LRP1B: variants seen among roughly 807,000 people sequenced by gnomAD.
The protein encoded by LRP1B is low-density lipoprotein receptor-related protein 1B.
LRP1B carries 217 observed loss-of-function variants against 556.6 expected under a neutral mutation model. The ratio of observed to expected loss-of-function variants is 0.39; its 90% CI spans 0.35 to 0.44. The LOEUF (loss-of-function observed/expected upper bound fraction) is 0.44. Ranked by LOEUF, LRP1B falls within the 20% of genes least tolerant of loss-of-function variation. The pLI is 1.00. For missense variants in LRP1B, 5,053 were observed against 5,620.8 expected, an observed-to-expected ratio of 0.90 and a Z score of 3.23; for synonymous variants, 2,047 against 1,865.8, an observed-to-expected ratio of 1.10 and a Z score of -2.50.
Position 141,858,696 on chromosome 2 carries a change from C to T in LRP1B, c.83-48295G>A, listed in dbSNP as rs916529998. On this transcript the variant is annotated intron_variant, in intron 1 of 90. Coordinates refer to ENST00000389484, the MANE Select transcript of LRP1B (RefSeq NM_018557.3). ...TACTAAATACACAATGATTTGCAAA[C>T]ACTTAATGAATTATGCACCAGTAAA... is the stretch of plus-strand genomic sequence containing the variant. Among the ~76,000 whole-genome samples, 9 of 152,134 alleles carry T rather than the reference C, an allele frequency of 5.9e-5. No homozygotes were observed. In the South Asian group the frequency reaches 1.7e-3, roughly 28 times the overall value.
At chr2:140,984,312 TTTTC>T (rs1245691540) in intron 17 of LRP1B, among the ~76,000 whole-genome samples, 2 of 151,892 alleles carry the variant, frequency 1.3e-5, no homozygotes, top group East Asian at 1.9e-4. Context: ...ATTTTTTCTC[TTTTC>T]TTTTTCTTTT....
At chr2:141,409,253 T>C (rs1690759622) in intron 3 of LRP1B, among the ~76,000 whole-genome samples, 1 of 152,208 alleles carries the variant, frequency 6.6e-6, no homozygotes, top group African/African-American at 2.4e-5. Context: ...GGTGACAGTA[T>C]GCACAGCGGA....
chr2:141,822,110 C>CAG (rs1696769109), intron 1 of LRP1B, among the ~76,000 whole-genome samples: 1 of 115,800 alleles, frequency 8.6e-6, no homozygotes, highest in African/African-American at 4.0e-5. Flanking sequence ...CACACACACA[C>CAG]ACACACACAC....
At chr2:141,707,392 G>C (rs907081359) in intron 2 of LRP1B, among the ~76,000 whole-genome samples, 1 of 152,020 alleles carries the variant, frequency 6.6e-6, no homozygotes, top group African/African-American at 2.4e-5. Context: ...TCCTAGGAAG[G>C]ATCTGATACC....
In LRP1B at chr2:140,640,383, C is replaced by CTTTTTTTTTTTTTTTTTTTTTT. The variant is rs70988414; in HGVS notation, c.6800-38766_6800-38745dup. Among the ~76,000 whole-genome samples the CTTTTTTTTTTTTTTTTTTTTTT allele has an allele frequency of 4.1e-5, 2 of 48,464 alleles. 1 individual carries two copies. The highest frequency in any genetic ancestry group is 1.7e-4 in the African/African-American group (2 of 11,710). 31.8% of individuals were successfully genotyped at this position (48,464 alleles called of 152,430 possible). Reference sequence around the variant, plus strand: ...ATCCACTATTCCCTTGTCCTGTTTTCTTTTTTTTTTTTTTTTTTTTTTTTT... The same window carrying CTTTTTTTTTTTTTTTTTTTTTT: ...ATCCACTATTCCCTTGTCCTGTTTTCTTTTTTTTTTTTTTTTTTTTTTTTTTTTTTTTTTTTTTTTTTTTTTT... On this transcript the variant is annotated intron_variant, in intron 41 of 90. Transcript: ENST00000389484.
chr2:141,770,893 T>C (rs1414827882), intron 2 of LRP1B, among the ~76,000 whole-genome samples: 1 of 152,218 alleles, frequency 6.6e-6, no homozygotes, highest in Admixed American at 6.5e-5. Flanking sequence ...ATTGCAAAAA[T>C]AGCCCTCAGC....
intron 1 of LRP1B, among the ~76,000 whole-genome samples, chr2:141,962,159 G>A (rs1701419489): frequency 6.6e-6 from 1 of 151,692 alleles, no homozygotes; most frequent in Non-Finnish European, 1.5e-5. Flanking sequence ...GAAAGGCACA[G>A]ATCATTTGTT....
chr2:141,377,416 C>G (rs1217371003), intron 3 of LRP1B, among the ~76,000 whole-genome samples: 5 of 151,848 alleles, frequency 3.3e-5, no homozygotes, highest in Admixed American at 2.0e-4. Context: ...TGCTTTCTTT[C>G]TTTTCATTCA....
chr2:141,025,796 A>G (rs1698201919), intron 11 of LRP1B, among the ~76,000 whole-genome samples: 1 of 152,058 alleles, frequency 6.6e-6, no homozygotes, highest in Non-Finnish European at 1.5e-5. Flanking sequence ...ACTAGTACAC[A>G]ATGACCATGA....
At chr2:141,916,424 G>T (rs1003332347) in intron 1 of LRP1B, among the ~76,000 whole-genome samples, 1 of 151,170 alleles carries the variant, frequency 6.6e-6, no homozygotes, top group African/African-American at 2.4e-5. Flanking sequence ...GAGTGCAGCG[G>T]CACAATCTCG....
intron 86 of LRP1B, among the ~76,000 whole-genome samples, chr2:140,257,618 C>T (rs983728914): frequency 4.6e-5 from 7 of 152,114 alleles, no homozygotes; most frequent in African/African-American, 9.7e-5. Flanking sequence ...AAGTAACCTA[C>T]GACCTCTTAC....
At chr2:141,391,508 A>G (rs957947332) in intron 3 of LRP1B, among the ~76,000 whole-genome samples, 7 of 144,338 alleles carry the variant, frequency 4.8e-5, no homozygotes, top group Non-Finnish European at 1.0e-4. Flanking sequence ...ATAAGGTTGG[A>G]AAAAAAATTG....
At chr2:141,667,376 T>C (rs958899490) in intron 2 of LRP1B, among the ~76,000 whole-genome samples, 4 of 152,196 alleles carry the variant, frequency 2.6e-5, no homozygotes, top group Non-Finnish European at 4.4e-5. Context: ...CTATGCTTGC[T>C]TAAATATACG....
intron 1 of LRP1B, among the ~76,000 whole-genome samples, chr2:141,964,131 G>T (rs1256240128): frequency 3.3e-5 from 5 of 149,654 alleles, no homozygotes; most frequent in African/African-American, 9.9e-5. Context: ...CATGCTCATG[G>T]GTAGGAAGAA....
chr2:141,229,457 A>G lies in LRP1B; in HGVS notation c.593-17T>C, dbSNP rs1339705298. 5 of 1,491,046 alleles carry G rather than the reference A, an allele frequency of 3.4e-6. No individual in the cohort carries two copies. The highest frequency in any genetic ancestry group is 4.6e-6 in the Non-Finnish European group (5 of 1,088,098). The allele number at this position is 1,491,046 out of a possible 1,614,324, so 92.4% of individuals were successfully genotyped here. ...CTGTAGGTTCTGGAATAAAATAGAAAAAGAGAAGTAAATTCAGTAAGAGTC... is the reference window on the plus strand; with the variant it reads ...CTGTAGGTTCTGGAATAAAATAGAAGAAGAGAAGTAAATTCAGTAAGAGTC... On this transcript the variant is annotated splice_polypyrimidine_tract_variant and intron_variant, in intron 5 of 90. Coordinates refer to ENST00000389484, the MANE Select transcript of LRP1B (RefSeq NM_018557.3).
At position 141,327,459 on chromosome 2, in the gene LRP1B, A is replaced by T. The variant is rs142926275; in HGVS notation, c.344-72818T>A. 2.6e-3 allele frequency among the ~76,000 whole-genome samples: 393 copies of T among 152,204 alleles called. 1 individual carries two copies. Among genetic ancestry groups the T allele is most frequent in the African/African-American group, 9.0e-3 (373 of 41,500 alleles). On this transcript the variant is annotated intron_variant, in intron 3 of 90. Coordinates refer to ENST00000389484, the MANE Select transcript of LRP1B (RefSeq NM_018557.3). ...AAGAGCTCTTTGTGTGGATAAGCAA[A>T]CTGAGTCTCGGTAAACCTTAATAAA... is the stretch of plus-strand genomic sequence containing the variant.
intron 71 of LRP1B, among the ~76,000 whole-genome samples, chr2:140,365,966 G>T (rs75020489): frequency 0.022 from 3,322 of 151,792 alleles, 45 homozygotes; most frequent in Non-Finnish European, 0.023. Flanking sequence ...AACTTGTGAA[G>T]ATCAAATAAC....
At chr2:141,169,813 A>T (rs947785982) in intron 7 of LRP1B, among the ~76,000 whole-genome samples, 1 of 151,664 alleles carries the variant, frequency 6.6e-6, no homozygotes, top group Non-Finnish European at 1.5e-5. Flanking sequence ...AAAAAAAAAA[A>T]AAAAAAAAGA....
At chr2:140,329,422 G>A (rs550940752) in intron 79 of LRP1B, among the ~76,000 whole-genome samples, 22 of 152,150 alleles carry the variant, frequency 1.4e-4, no homozygotes, top group African/African-American at 5.1e-4. Context: ...AAGAAATAAA[G>A]TGTATTCAAA....
Sources: gnomAD v4.1 joint callset for allele counts (sites outside exome capture counted in the v4.1 genomes callset) on GRCh38, gnomAD v4.1.1 for gene constraint, MANE v1.5 for transcripts, NCBI Gene and HGNC (gene_info 2026-07-23, HGNC 2026-07-21) for gene names.